The following NSF variants were observed in gnomAD, a reference collection of about 807,000 sequenced individuals.
NSF encodes N-ethylmaleimide sensitive factor, vesicle fusing ATPase, also known as vesicle-fusing ATPase.
A neutral mutation model predicts 50.3 loss-of-function variants in NSF; 14 were observed. The observed-to-expected ratio is 0.28, with a 90% CI of 0.18 to 0.44. The LOEUF is 0.44. Among genes scored for constraint, NSF ranks in the 20% least tolerant of loss-of-function variants. NSF has a pLI of 1.00. For synonymous variants in NSF, 109 were observed against 175.7 expected, an observed-to-expected ratio of 0.62 and a Z score of 3.00; for missense variants, 218 against 504.3, an observed-to-expected ratio of 0.43 and a Z score of 5.44.
intron 15 of NSF, among the ~76,000 whole-genome samples, chr17:46,717,603 T>A (rs538756108): frequency 6.6e-6 from 1 of 152,182 alleles, no homozygotes; most frequent in Admixed American, 6.5e-5. Flanking sequence ...TGCCAGCTAC[T>A]CAGGAGGCTG....
At position 46,716,600 on chromosome 17, in the gene NSF, AT is replaced by A. The variant is rs986645945; in HGVS notation, c.1761+2622del. Among the ~76,000 whole-genome samples the A allele has an allele frequency of 1.1e-3, 166 of 151,912 alleles. 1 individual carries two copies. Among genetic ancestry groups the A allele is most frequent in the Non-Finnish European group, 1.3e-3 (88 of 67,916 alleles). On this transcript the variant is annotated intron_variant, in intron 15 of 20. Coordinates refer to ENST00000398238, the MANE Select transcript of NSF (RefSeq NM_006178.4). Reference sequence around the variant, plus strand: ...GTGAGGATGGAAAGAAGATGTTTTAATTTTTTTTCAGAGCACAAATAATTTA... The same window carrying A: ...GTGAGGATGGAAAGAAGATGTTTTAATTTTTTTCAGAGCACAAATAATTTA...
intron 8 of NSF, among the ~76,000 whole-genome samples, chr17:46,661,378 T>TTTATTA (rs892367324): frequency 0.071 from 7,521 of 106,432 alleles, 5 homozygotes; most frequent in Non-Finnish European, 0.096. Flanking sequence ...TACATTTCTT[T>TTTATTA]TTATTATTAT....
chr17:46,751,667 A>G (rs1233512602), intron 19 of NSF, 51 bp downstream of exon 19: 7 of 1,110,112 alleles, frequency 6.3e-6, no homozygotes, highest in Non-Finnish European at 4.0e-6. Flanking sequence ...GCTTCAGGAC[A>G]CACCAAGAGG....
chr17:46,748,532 G>A (rs1414403511), intron 17 of NSF, among the ~76,000 whole-genome samples: 1 of 152,176 alleles, frequency 6.6e-6, no homozygotes, highest in Non-Finnish European at 1.5e-5. Flanking sequence ...CACTCTTTCT[G>A]AGGAAGCTTT....
rs531991139 is a variant in NSF, at chr17:46,740,679, G to A, written c.1909-9094G>A. ...ATCTTTTTCTTTTTTTTTTTTTTTG[G>A]ACACCAAGTTTTGCTCTTGTTGCCT... On this transcript the variant is annotated intron_variant, in intron 17 of 20. Coordinates refer to ENST00000398238, the MANE Select transcript of NSF (RefSeq NM_006178.4). Among the ~76,000 whole-genome samples the A allele has an allele frequency of 8.8e-4, 128 of 145,814 alleles. 1 individual carries two copies. The highest frequency in any genetic ancestry group is 1.5e-3 in the Non-Finnish European group (101 of 66,636).
chr17:46,752,368 A>C, intron 19 of NSF, among the ~76,000 whole-genome samples: 1 of 152,200 alleles, frequency 6.6e-6, no homozygotes. Flanking sequence ...ATCAAGCCCT[A>C]TGAGTTCAGA....
At chr17:46,747,679 TG>T (rs1568060967) in intron 17 of NSF, among the ~76,000 whole-genome samples, 3 of 152,070 alleles carry the variant, frequency 2.0e-5, no homozygotes, top group Non-Finnish European at 4.4e-5. Flanking sequence ...AATAAGTTAG[TG>T]TAAAGGTTGG....
chr17:46,708,822 A>ATT lies in NSF; in HGVS notation c.1471-2121_1471-2120dup, dbSNP rs386627394. Among the ~76,000 whole-genome samples the ATT allele has an allele frequency of 3.9e-3, 424 of 108,850 alleles. 12 individuals are homozygous for ATT. The highest frequency in any genetic ancestry group is 7.6e-3 in the African/African-American group (201 of 26,534). The allele number at this position is 108,850 out of a possible 152,430, so 71.4% of individuals were successfully genotyped here. A position where few individuals can be genotyped will look rare whatever the true frequency, so the allele number is the denominator to read the frequency against. On this transcript the variant is annotated intron_variant, in intron 13 of 20. Transcript: ENST00000398238. ...ATTTATTTTATATATATATATATAT[A>ATT]TTTTTTTTTTTTTTTTTTTTTGAGA...
At chr17:46,726,471 AAGAAGTAACTAAAC>A in intron 15 of NSF, 64 bp from the exon 16 acceptor site, 1 of 1,318,954 alleles carries the variant, frequency 7.6e-7, no homozygotes, top group Non-Finnish European at 1.1e-6. Context: ...AGTATTGCTC[AAGAAGTAACTAAAC>A]TTCTTGGAAA....
intron 13 of NSF, among the ~76,000 whole-genome samples, chr17:46,710,498 G>T (rs551156317): frequency 1.3e-5 from 2 of 152,202 alleles, no homozygotes; most frequent in Non-Finnish European, 2.9e-5. Flanking sequence ...CCACAAAGTT[G>T]ATGTGAACAT....
intron 19 of NSF, 73 bp downstream of exon 19, chr17:46,751,689 C>A: frequency 1.2e-6 from 1 of 846,784 alleles, no homozygotes; most frequent in Non-Finnish European, 1.8e-6. Flanking sequence ...TTCAGTATTT[C>A]CTTTGCCAAG....
chr17:46,713,587 A>G (rs1246263134), intron 14 of NSF, among the ~76,000 whole-genome samples: 1 of 152,182 alleles, frequency 6.6e-6, no homozygotes, highest in Admixed American at 6.5e-5. Context: ...CACTCTGTAT[A>G]TTTTGCCAAA....
At chr17:46,672,251 CTTTTTTTT>C (rs1213006152) in intron 8 of NSF, among the ~76,000 whole-genome samples, 2 of 8,376 alleles carry the variant, frequency 2.4e-4, no homozygotes, top group Admixed American at 2.0e-3. Context: ...GAGGTGAAGT[CTTTTTTTT>C]TTTTTTTTTT....
chr17:46,622,788 A>G (rs2058079182), intron 1 of NSF, among the ~76,000 whole-genome samples: 1 of 150,368 alleles, frequency 6.7e-6, no homozygotes, highest in Admixed American at 6.6e-5. Flanking sequence ...AAAACAACAC[A>G]TAAATAAGAA....
In NSF at chr17:46,609,607, GTTTATA is replaced by G. The variant is rs556653478; in HGVS notation, c.13-14631_13-14626del. On this transcript the variant is annotated intron_variant, in intron 1 of 20. Transcript: ENST00000398238. ...TAATAAAATATGTAAATACTATTAT[GTTTATA>G]TTTATTAGTAAGCTGAATTTATTAA... Among the ~76,000 whole-genome samples the G allele has an allele frequency of 3.5e-4, 52 of 147,312 alleles. No homozygotes were observed. The East Asian group carries it at 9.8e-3, about 28-fold the overall frequency.
intron 17 of NSF, among the ~76,000 whole-genome samples, chr17:46,744,443 GT>G (rs2059107996): frequency 6.6e-6 from 1 of 152,102 alleles, no homozygotes; most frequent in Non-Finnish European, 1.5e-5. Context: ...CCATTTCAGG[GT>G]TTTCAATTGT....
At chr17:46,747,079 G>A (rs2059136917) in intron 17 of NSF, among the ~76,000 whole-genome samples, 2 of 152,094 alleles carry the variant, frequency 1.3e-5, no homozygotes, top group African/African-American at 4.8e-5. Context: ...TAATCAGCCA[G>A]GTCTTACCTG....
intron 19 of NSF, among the ~76,000 whole-genome samples, chr17:46,752,198 AG>A (rs1232876485): frequency 6.6e-6 from 1 of 152,214 alleles, no homozygotes; most frequent in African/African-American, 2.4e-5. Context: ...ACTGAGCCCC[AG>A]GGTGCTGCCT....
rs1448534956 is a variant in NSF, at chr17:46,749,755, T to C, written c.1909-18T>C. On this transcript the variant is annotated intron_variant, in intron 17 of 20. Coordinates refer to ENST00000398238, the MANE Select transcript of NSF (RefSeq NM_006178.4). ...GTCTTATTATGTACATTTTAACACA[T>C]TTTCTCCCTATGATCAGGGCCGCAA... is the stretch of plus-strand genomic sequence containing the variant. 6.2e-7 allele frequency: 1 copy of C among 1,606,982 alleles called. No individual in the cohort carries two copies. Among genetic ancestry groups the C allele is most frequent in the Admixed American group, 1.7e-5 (1 of 59,458 alleles).
Sources: gnomAD v4.1 joint callset for allele counts (sites outside exome capture counted in the v4.1 genomes callset) on GRCh38, gnomAD v4.1.1 for gene constraint, MANE v1.5 for transcripts, NCBI Gene and HGNC (gene_info 2026-07-23, HGNC 2026-07-21) for gene names.